The following HS3ST4 variants were observed in gnomAD, a reference collection of about 807,000 sequenced individuals.
HS3ST4 encodes the protein heparan sulfate-glucosamine 3-sulfotransferase 4, also known as heparan sulfate glucosamine 3-O-sulfotransferase 4.
In HS3ST4, 17 loss-of-function variants were observed where a neutral mutation model predicts 29.2. The ratio of observed to expected loss-of-function variants is 0.58; its 90% CI spans 0.40 to 0.87. The LOEUF is 0.87. Ranked by LOEUF, HS3ST4 falls within the 40% of genes least tolerant of loss-of-function variation. The pLI, the probability that HS3ST4 is intolerant of heterozygous loss-of-function variation, is 0.00. For synonymous variants in HS3ST4, 314 were observed against 285.7 expected (o/e 1.10, Z -1.00); for missense variants, 627 against 634.5 (o/e 0.99, Z 0.13).
chr16:25,887,084 T>G (rs1221734179), intron 1 of HS3ST4, among the ~76,000 whole-genome samples: 4 of 151,944 alleles, frequency 2.6e-5, no homozygotes, highest in African/African-American at 4.8e-5. Context: ...GAGGGATGTG[T>G]AAGGAATCAT....
chr16:25,841,285 G>T (rs559576290), intron 1 of HS3ST4, among the ~76,000 whole-genome samples: 7 of 151,722 alleles, frequency 4.6e-5, no homozygotes, highest in Non-Finnish European at 8.8e-5. Context: ...GATTACAGGC[G>T]TGAGCCACCA....
intron 1 of HS3ST4, among the ~76,000 whole-genome samples, chr16:25,991,951 G>T (rs111799251): frequency 0.012 from 1,858 of 152,312 alleles, 46 homozygotes; most frequent in African/African-American, 0.043. Context: ...AACCCGGGAG[G>T]CAGAGCTTAT....
At chr16:25,739,226 C>T (rs1966634645) in intron 1 of HS3ST4, among the ~76,000 whole-genome samples, 1 of 152,078 alleles carries the variant, frequency 6.6e-6, no homozygotes, top group South Asian at 2.1e-4. Flanking sequence ...CCTGTAATCC[C>T]AGCTACTCGG....
chr16:25,928,672 C>T lies in HS3ST4; in HGVS notation c.735-206940C>T, dbSNP rs150991471. 2.1e-3 allele frequency among the ~76,000 whole-genome samples: 323 copies of T among 152,210 alleles called. 1 individual carries two copies. Among genetic ancestry groups the T allele is most frequent in the Non-Finnish European group, 3.5e-3 (236 of 68,024 alleles). On this transcript the variant is annotated intron_variant, in intron 1 of 1. Coordinates refer to ENST00000331351, the MANE Select transcript of HS3ST4 (RefSeq NM_006040.3). ...TTAAGAACTTGGGAGCAATAATTGC[C>T]GTATGTTTTGAAAGGTTCTGGGTCC...
At chr16:26,058,976 G>T (rs1197174363) in intron 1 of HS3ST4, among the ~76,000 whole-genome samples, 5 of 152,100 alleles carry the variant, frequency 3.3e-5, no homozygotes, top group African/African-American at 1.2e-4. Context: ...GTGGGTTCTG[G>T]CTTTGAAGCC....
In HS3ST4 at chr16:26,136,372, C is replaced by A; in HGVS notation, c.*124C>A. ...CAAGTAGATCTCCTCCTCCTTCATG[C>A]AGCCAGGATTGCCTCCAGTGCTGTT... On this transcript the variant is annotated 3_prime_UTR_variant, in exon 2 of 2. Coordinates refer to ENST00000331351, the MANE Select transcript of HS3ST4 (RefSeq NM_006040.3). 1 of 934,498 alleles carries A rather than the reference C, an allele frequency of 1.1e-6. No homozygotes were observed. The highest frequency in any genetic ancestry group is 1.6e-6 in the Non-Finnish European group (1 of 639,544). 57.9% of individuals were successfully genotyped at this position (934,498 alleles called of 1,614,324 possible). A position where few individuals can be genotyped will look rare whatever the true frequency, so the allele number is the denominator to read the frequency against.
chr16:26,066,596 G>A (rs1358402045), intron 1 of HS3ST4, among the ~76,000 whole-genome samples: 2 of 151,984 alleles, frequency 1.3e-5, no homozygotes, highest in African/African-American at 2.4e-5. Flanking sequence ...AGAAACCTGG[G>A]TGATTTCCAA....
chr16:25,980,906 C>A (rs970742560), intron 1 of HS3ST4, among the ~76,000 whole-genome samples: 4 of 152,012 alleles, frequency 2.6e-5, no homozygotes, highest in African/African-American at 9.7e-5. Context: ...AAAGAATGGG[C>A]GAGGCAGTGC....
chr16:26,090,314 G>A (rs192014261), intron 1 of HS3ST4, among the ~76,000 whole-genome samples: 162 of 146,796 alleles, frequency 1.1e-3, no homozygotes, highest in African/African-American at 3.8e-3. Flanking sequence ...CTCTGCATTG[G>A]GATGTTTATG....
intron 1 of HS3ST4, among the ~76,000 whole-genome samples, chr16:25,915,447 A>G (rs932803540): frequency 9.2e-5 from 14 of 152,172 alleles, no homozygotes; most frequent in Non-Finnish European, 1.3e-4. Flanking sequence ...GTTTTTGAGG[A>G]ACATATAGTA....
intron 1 of HS3ST4, among the ~76,000 whole-genome samples, chr16:25,950,707 G>T (rs1340061648): frequency 6.6e-6 from 1 of 152,070 alleles, no homozygotes; most frequent in African/African-American, 2.4e-5. Context: ...AGCCCAGGAG[G>T]TAAAAGAGCA....
chr16:26,119,059 G>T (rs1017275197), intron 1 of HS3ST4, among the ~76,000 whole-genome samples: 51 of 152,306 alleles, frequency 3.3e-4, no homozygotes, highest in African/African-American at 1.1e-3. Context: ...TATCGTTAGA[G>T]TATTCATTTT....
intron 1 of HS3ST4, among the ~76,000 whole-genome samples, chr16:25,704,646 G>A (rs1966361767): frequency 6.6e-6 from 1 of 151,996 alleles, no homozygotes. Context: ...GGGAGGCCGA[G>A]GCAGGTGGAT....
At chr16:25,940,859 T>TC (rs1474572980) in intron 1 of HS3ST4, among the ~76,000 whole-genome samples, 3 of 152,072 alleles carry the variant, frequency 2.0e-5, no homozygotes, top group Admixed American at 6.5e-5. Flanking sequence ...CATCTTCATC[T>TC]CCCCCCAGCT....
At chr16:25,694,560 T>A (rs1002852747) in intron 1 of HS3ST4, among the ~76,000 whole-genome samples, 1 of 152,192 alleles carries the variant, frequency 6.6e-6, no homozygotes, top group African/African-American at 2.4e-5. Flanking sequence ...AATGCCTAAT[T>A]TAACTGGAAA....
chr16:25,902,710 C>T (rs1057322183), intron 1 of HS3ST4, among the ~76,000 whole-genome samples: 4 of 151,800 alleles, frequency 2.6e-5, no homozygotes, highest in Non-Finnish European at 4.4e-5. Context: ...GAACGGGAAC[C>T]CATAAAATCA....
At chr16:25,909,198 CTTT>C (rs1383197914) in intron 1 of HS3ST4, among the ~76,000 whole-genome samples, 1 of 151,930 alleles carries the variant, frequency 6.6e-6, no homozygotes. Flanking sequence ...TTTCTTTTTT[CTTT>C]TTTTCGAGAT....
chr16:25,994,182 C>CAG (rs1212721682), intron 1 of HS3ST4, among the ~76,000 whole-genome samples: 14 of 152,082 alleles, frequency 9.2e-5, no homozygotes, highest in Admixed American at 3.9e-4. Context: ...CATGGGGAGA[C>CAG]AGGCACAAAT....
intron 1 of HS3ST4, among the ~76,000 whole-genome samples, chr16:25,945,409 AT>A (rs1417575927): frequency 2.0e-5 from 3 of 152,206 alleles, no homozygotes; most frequent in African/African-American, 7.2e-5. Context: ...CTAGTACTAA[AT>A]TTGGTTCCCA....
Sources: allele counts gnomAD v4.1 joint callset (sites outside exome capture counted in the v4.1 genomes callset), GRCh38; gene constraint gnomAD v4.1.1; transcripts MANE v1.5; gene names NCBI Gene and HGNC (gene_info 2026-07-23, HGNC 2026-07-21).